Variants in SLC9A9 observed in about 807,000 individuals in gnomAD.
SLC9A9 encodes solute carrier family 9 member A9.
A neutral mutation model predicts 77.8 loss-of-function variants in SLC9A9; 62 were observed. That is an observed-to-expected ratio of 0.80 (90% confidence interval 0.65 to 0.98). The LOEUF (loss-of-function observed/expected upper bound fraction) is 0.98, where lower values mean the gene tolerates loss of function less well. Ranked by LOEUF, SLC9A9 falls within the 50% of genes least tolerant of loss-of-function variation. The pLI, the probability that SLC9A9 is intolerant of heterozygous loss-of-function variation, is 0.00. For synonymous variants in SLC9A9, 320 were observed against 283.5 expected (o/e 1.13, Z -1.29); for missense variants, 775 against 774.9 (o/e 1.00, Z 0.00).
At chr3:143,698,403 G>T (rs1433574133) in intron 4 of SLC9A9, among the ~76,000 whole-genome samples, 1 of 152,168 alleles carries the variant, frequency 6.6e-6, no homozygotes, top group East Asian at 1.9e-4. Context: ...TCCATGACCT[G>T]CTCTCAAAGA....
intron 6 of SLC9A9, among the ~76,000 whole-genome samples, chr3:143,630,623 A>T (rs970573039): frequency 2.0e-5 from 3 of 152,230 alleles, no homozygotes; most frequent in African/African-American, 7.2e-5. Context: ...TAACTCTCAG[A>T]CCCTGGATTG....
intron 13 of SLC9A9, among the ~76,000 whole-genome samples, chr3:143,367,970 C>A (rs2032956072): frequency 6.6e-6 from 1 of 152,056 alleles, no homozygotes; most frequent in African/African-American, 2.4e-5. Context: ...CAACTCTGAG[C>A]CTCATGTTTC....
chr3:143,829,556 T>C (rs2009383808), intron 2 of SLC9A9, among the ~76,000 whole-genome samples: 2 of 152,206 alleles, frequency 1.3e-5, no homozygotes, highest in East Asian at 3.8e-4. Context: ...TTCACAGTCC[T>C]CATAATTCAT....
chr3:143,498,768 C>T (rs755386916), intron 9 of SLC9A9, among the ~76,000 whole-genome samples: 144 of 152,222 alleles, frequency 9.5e-4, no homozygotes, highest in Middle Eastern at 3.4e-3. Flanking sequence ...CCTCTACCAC[C>T]ACAAATTAGC....
At chr3:143,296,472 A>G (rs939251236) in intron 14 of SLC9A9, among the ~76,000 whole-genome samples, 2 of 152,246 alleles carry the variant, frequency 1.3e-5, no homozygotes, top group African/African-American at 2.4e-5. Flanking sequence ...CCACTGATGG[A>G]CACAGCTCAA....
intron 6 of SLC9A9, among the ~76,000 whole-genome samples, chr3:143,634,222 T>C (rs1050824144): frequency 5.9e-5 from 9 of 152,182 alleles, no homozygotes. Context: ...TTTCCTGAAA[T>C]CTAGTGGGTC....
intron 9 of SLC9A9, among the ~76,000 whole-genome samples, chr3:143,537,383 C>T (rs765470496): frequency 1.3e-5 from 2 of 152,164 alleles, no homozygotes; most frequent in African/African-American, 2.4e-5. Context: ...TGGAGCTGCC[C>T]ATCCCTCAGC....
In SLC9A9 at chr3:143,266,618, C is replaced by T. The variant is rs1363736398; in HGVS notation, c.*84G>A. On this transcript the variant is annotated 3_prime_UTR_variant, in exon 16 of 16. Transcript: ENST00000316549. ...GCTCTTAATATGTTTTCCAGCCTCTCCCCTGTACTGCCTCATCAGCTTGGC... is the reference window on the plus strand; with the variant it reads ...GCTCTTAATATGTTTTCCAGCCTCTTCCCTGTACTGCCTCATCAGCTTGGC... The T allele has an allele frequency of 4.0e-5, 55 of 1,377,558 alleles. No individual in the cohort carries two copies. The highest frequency in any genetic ancestry group is 5.2e-5 in the Non-Finnish European group (51 of 973,150). 85.3% of individuals were successfully genotyped at this position (1,377,558 alleles called of 1,614,324 possible). A position where few individuals can be genotyped will look rare whatever the true frequency, so the allele number is the denominator to read the frequency against.
intron 12 of SLC9A9, among the ~76,000 whole-genome samples, chr3:143,396,025 G>A (rs972894712): frequency 1.3e-5 from 2 of 152,212 alleles, no homozygotes; most frequent in African/African-American, 4.8e-5. Context: ...TTCAACCGTT[G>A]TGGAAGTCAG....
At chr3:143,778,625 A>G (rs944265394) in intron 4 of SLC9A9, among the ~76,000 whole-genome samples, 1 of 152,216 alleles carries the variant, frequency 6.6e-6, no homozygotes, top group African/African-American at 2.4e-5. Context: ...AAATATCTTT[A>G]TAAGTAGCTG....
At chr3:143,268,837 G>A (rs760434830) in intron 15 of SLC9A9, 38 bp downstream of exon 15, 1 of 1,521,810 alleles carries the variant, frequency 6.6e-7, no homozygotes, top group South Asian at 1.1e-5. Context: ...GTCCCACAAG[G>A]GATATTCCCT....
intron 14 of SLC9A9, among the ~76,000 whole-genome samples, chr3:143,302,676 AG>A (rs1481222309): frequency 2.0e-5 from 3 of 152,180 alleles, no homozygotes; most frequent in Non-Finnish European, 2.9e-5. Flanking sequence ...GCTGGCAGAA[AG>A]GACAGATCCT....
chr3:143,557,975 G>C (rs1450889930), intron 8 of SLC9A9, among the ~76,000 whole-genome samples: 3 of 152,226 alleles, frequency 2.0e-5, no homozygotes, highest in Non-Finnish European at 2.9e-5. Flanking sequence ...AGGCATGTCA[G>C]AGACCTTCAC....
chr3:143,565,197 T>A (rs1410179348), intron 8 of SLC9A9, among the ~76,000 whole-genome samples: 1 of 152,184 alleles, frequency 6.6e-6, no homozygotes, highest in Non-Finnish European at 1.5e-5. Flanking sequence ...TGTCTCCTTT[T>A]GGCGCATGTA....
At chr3:143,453,334 C>T (rs558873916) in intron 12 of SLC9A9, among the ~76,000 whole-genome samples, 7 of 152,028 alleles carry the variant, frequency 4.6e-5, no homozygotes, top group African/African-American at 1.7e-4. Flanking sequence ...AATGGAAAAG[C>T]CTTTAGTTCA....
intron 14 of SLC9A9, among the ~76,000 whole-genome samples, chr3:143,326,332 C>T (rs1259156778): frequency 1.3e-5 from 2 of 152,198 alleles, no homozygotes; most frequent in Non-Finnish European, 2.9e-5. Flanking sequence ...TATTCCCTTC[C>T]TTAAAACTCT....
At chr3:143,549,481 T>C (rs970195921) in intron 9 of SLC9A9, among the ~76,000 whole-genome samples, 3 of 152,148 alleles carry the variant, frequency 2.0e-5, no homozygotes, top group African/African-American at 7.2e-5. Context: ...AATTAGCATT[T>C]ATTAAGCTTC....
intron 4 of SLC9A9, among the ~76,000 whole-genome samples, chr3:143,786,098 G>T (rs1444843862): frequency 1.3e-5 from 2 of 151,696 alleles, no homozygotes; most frequent in East Asian, 1.9e-4. Flanking sequence ...CTCGTGATCC[G>T]CCCGTCTCGG....
chr3:143,747,163 T>C (rs998093696), intron 4 of SLC9A9, among the ~76,000 whole-genome samples: 8 of 152,092 alleles, frequency 5.3e-5, no homozygotes, highest in Non-Finnish European at 7.4e-5. Context: ...CCCAGCACTT[T>C]GGGAGGCTGA....
Sources: gnomAD v4.1 joint callset for allele counts (sites outside exome capture counted in the v4.1 genomes callset) on GRCh38, gnomAD v4.1.1 for gene constraint, MANE v1.5 for transcripts, NCBI Gene and HGNC (gene_info 2026-07-23, HGNC 2026-07-21) for gene names.